Variants in PHF21A observed in about 807,000 individuals in gnomAD.
PHF21A encodes the protein BHC80a.
Under a neutral mutation model 82.5 loss-of-function variants are expected in PHF21A, and 11 were observed. The observed-to-expected ratio is 0.13, with a 90% confidence interval of 0.08 to 0.22. The LOEUF (loss-of-function observed/expected upper bound fraction) is 0.22, where lower values mean the gene tolerates loss of function less well. Ranked by LOEUF, PHF21A falls within the 10% of genes least tolerant of loss-of-function variation. The pLI is 1.00. For synonymous variants in PHF21A, 297 were observed against 302.8 expected (o/e 0.98, Z 0.20); for missense variants, 579 against 837.8 (o/e 0.69, Z 3.81).
At chr11:46,109,559 CATA>C (rs2097188047) in intron 1 of PHF21A, among the ~76,000 whole-genome samples, 3 of 103,366 alleles carry the variant, frequency 2.9e-5, no homozygotes, top group South Asian at 3.8e-4. Context: ...CACAAAAGCT[CATA>C]ATTAAAATTT....
chr11:45,957,199 A>G (rs576940575), intron 10 of PHF21A, among the ~76,000 whole-genome samples: 1 of 129,388 alleles, frequency 7.7e-6, no homozygotes, highest in South Asian at 2.8e-4. Flanking sequence ...TGGAGACTTC[A>G]ATATCCCTCT....
intron 6 of PHF21A, among the ~76,000 whole-genome samples, chr11:46,038,826 A>C (rs906767095): frequency 3.9e-5 from 6 of 152,146 alleles, no homozygotes; most frequent in Non-Finnish European, 8.8e-5. Flanking sequence ...TCCGTTCCTG[A>C]GGAGAGAGCC....
chr11:46,016,328 T>C (rs1040252079), intron 6 of PHF21A, among the ~76,000 whole-genome samples: 13 of 152,336 alleles, frequency 8.5e-5, no homozygotes, highest in African/African-American at 2.9e-4. Context: ...CCCTAAACTC[T>C]TAGGTAAGGC....
intron 6 of PHF21A, among the ~76,000 whole-genome samples, chr11:46,027,719 C>T (rs2095779626): frequency 6.6e-6 from 1 of 152,174 alleles, no homozygotes; most frequent in African/African-American, 2.4e-5. Context: ...CTATTGTTCC[C>T]ATATGGAAAA....
chr11:46,076,845 G>C, intron 5 of PHF21A, 26 bp from the exon 6 acceptor site: 2 of 1,555,908 alleles, frequency 1.3e-6, no homozygotes, highest in Non-Finnish European at 1.8e-6. Context: ...AAATATCTGT[G>C]AGAAAGATAT....
chr11:46,049,750 T>C (rs2096319505), intron 6 of PHF21A, among the ~76,000 whole-genome samples: 2 of 152,262 alleles, frequency 1.3e-5, no homozygotes, highest in South Asian at 2.1e-4. Context: ...GAAATGCCAA[T>C]TGCATACAAG....
intron 6 of PHF21A, among the ~76,000 whole-genome samples, chr11:45,997,535 C>G (rs1200293883): frequency 6.6e-6 from 1 of 152,184 alleles, no homozygotes; most frequent in African/African-American, 2.4e-5. Flanking sequence ...TTCTCAATGT[C>G]TAGATCCAGT....
chr11:46,060,875 A>G (rs1224601032), intron 6 of PHF21A, among the ~76,000 whole-genome samples: 1 of 152,198 alleles, frequency 6.6e-6, no homozygotes, highest in Non-Finnish European at 1.5e-5. Flanking sequence ...TTCATCGTGA[A>G]ATCTGTGCCC....
intron 6 of PHF21A, among the ~76,000 whole-genome samples, chr11:45,992,934 C>T (rs1215829997): frequency 6.6e-6 from 1 of 152,160 alleles, no homozygotes; most frequent in Non-Finnish European, 1.5e-5. Flanking sequence ...GCAGCTACCT[C>T]AAGTGGTGGA....
intron 6 of PHF21A, among the ~76,000 whole-genome samples, chr11:46,069,619 C>T (rs1022883606): frequency 3.3e-5 from 5 of 152,096 alleles, no homozygotes; most frequent in African/African-American, 4.8e-5. Context: ...GCCTAATGTC[C>T]TATTTCAAAA....
chr11:46,018,266 A>T (rs578152697), intron 6 of PHF21A, among the ~76,000 whole-genome samples: 27 of 151,882 alleles, frequency 1.8e-4, no homozygotes, highest in Admixed American at 4.6e-4. Flanking sequence ...AAAAAAAAAA[A>T]AATGTGTCCT....
At chr11:46,059,225 T>C (rs2096500427) in intron 6 of PHF21A, among the ~76,000 whole-genome samples, 1 of 152,124 alleles carries the variant, frequency 6.6e-6, no homozygotes, top group African/African-American at 2.4e-5. Context: ...AGTAAAAAAC[T>C]GGGAATAATT....
rs979339567 is a variant in PHF21A at position 45,979,672 on chromosome 11, T to C, written c.360+88A>G. Reference sequence around the variant, plus strand: ...TTTGTTTAGTTCTAGCTGAGCTTAGTATAGTGTGAGACAGGACCCAGTTCT... The same window carrying C: ...TTTGTTTAGTTCTAGCTGAGCTTAGCATAGTGTGAGACAGGACCCAGTTCT... On this transcript the variant is annotated intron_variant, in intron 7 of 18. Transcript: ENST00000676320. The C allele has an allele frequency of 1.7e-5, 27 of 1,584,468 alleles. No homozygotes were observed. The Middle Eastern group carries it at 6.8e-4, about 40-fold the overall frequency.
intron 1 of PHF21A, among the ~76,000 whole-genome samples, chr11:46,109,635 G>A (rs978093511): frequency 6.6e-5 from 10 of 152,044 alleles, no homozygotes; most frequent in African/African-American, 1.4e-4. Context: ...ATGTACCAAT[G>A]TGTATACTGT....
intron 6 of PHF21A, among the ~76,000 whole-genome samples, chr11:46,018,974 T>C (rs2095575157): frequency 6.6e-6 from 1 of 152,050 alleles, no homozygotes; most frequent in Non-Finnish European, 1.5e-5. Flanking sequence ...ACACACATCA[T>C]GTAAGAAGCT....
At chr11:45,957,276 C>G (rs1326957108) in intron 10 of PHF21A, among the ~76,000 whole-genome samples, 1 of 152,112 alleles carries the variant, frequency 6.6e-6, no homozygotes, top group Non-Finnish European at 1.5e-5. Flanking sequence ...ACACTATACA[C>G]CAATTAGACC....
At chr11:46,027,940 G>A (rs564043656) in intron 6 of PHF21A, among the ~76,000 whole-genome samples, 6 of 152,220 alleles carry the variant, frequency 3.9e-5, no homozygotes, top group African/African-American at 1.4e-4. Flanking sequence ...ATGCCAAAGG[G>A]AAGCAGCCAG....
chr11:46,048,389 CCA>C (rs969827884), intron 6 of PHF21A, among the ~76,000 whole-genome samples: 4 of 152,070 alleles, frequency 2.6e-5, no homozygotes, highest in African/African-American at 9.7e-5. Context: ...TATGGATATA[CCA>C]CACTTTATTT....
chr11:46,036,552 G>A (rs2096008216), intron 6 of PHF21A, among the ~76,000 whole-genome samples: 1 of 152,174 alleles, frequency 6.6e-6, no homozygotes, highest in Non-Finnish European at 1.5e-5. Context: ...AAGAAGGTAT[G>A]AATGATCTTC....
Sources: gnomAD v4.1 joint callset for allele counts (sites outside exome capture counted in the v4.1 genomes callset) on GRCh38, gnomAD v4.1.1 for gene constraint, MANE v1.5 for transcripts, NCBI Gene and HGNC (gene_info 2026-07-23, HGNC 2026-07-21) for gene names.